The following NT5DC3 variants were observed in gnomAD, a reference collection of about 807,000 sequenced individuals.
The protein encoded by NT5DC3 is 5'-nucleotidase domain-containing protein 3.
In NT5DC3, 42 loss-of-function variants were observed where a neutral mutation model predicts 67.8. The ratio of observed to expected loss-of-function variants is 0.62; its 90% CI spans 0.48 to 0.80. The LOEUF (loss-of-function observed/expected upper bound fraction) is 0.80, where lower values mean the gene tolerates loss of function less well. Among genes scored for constraint, NT5DC3 ranks in the 30% least tolerant of loss-of-function variants. The probability of loss-of-function intolerance (pLI) is 0.00; values close to 1 mark genes in which losing one functional copy is unlikely to be tolerated. For synonymous variants in NT5DC3, 237 were observed against 255.6 expected (o/e 0.93, Z 0.69); for missense variants, 570 against 696.4 (o/e 0.82, Z 2.04).
At chr12:103,763,773 G>A in the NT5DC3 span, 1 of 625,894 alleles carries the variant, frequency 1.6e-6, no homozygotes, top group South Asian at 2.2e-5. Context: ...TGAAGCCAGT[G>A]TGGTTGCTCA....
chr12:103,788,804 A>G (rs748271369), intron 10 of NT5DC3, 34 bp downstream of exon 10: 1 of 1,420,308 alleles, frequency 7.0e-7, no homozygotes, highest in Non-Finnish European at 1.0e-6. Flanking sequence ...CCACAAAGCA[A>G]AGCAACAAAA....
At chr12:103,748,239 C>T in the NT5DC3 span, among the ~76,000 whole-genome samples, 1 of 152,320 alleles carries the variant, frequency 6.6e-6, no homozygotes, top group South Asian at 2.1e-4. Context: ...TTTTCCCACC[C>T]TCCCATCCTT....
At chr12:103,769,732 C>G (rs1052574711), downstream of NT5DC3, among the ~76,000 whole-genome samples, 1 of 152,242 alleles carries the variant, frequency 6.6e-6, no homozygotes, top group East Asian at 1.9e-4. Flanking sequence ...GACTGAGCCT[C>G]TACCCAACAT....
chr12:103,790,849 C>T (rs757889429), intron 9 of NT5DC3, among the ~76,000 whole-genome samples: 6 of 151,670 alleles, frequency 4.0e-5, no homozygotes, highest in Admixed American at 2.6e-4. Context: ...ACCACCATGC[C>T]GGGCTAATTT....
chr12:103,789,178 C>T lies in NT5DC3; in HGVS notation c.1020-259G>A, dbSNP rs113573616. The T allele has an allele frequency of 2.9e-5, 11 of 381,990 alleles. 1 individual carries two copies. The highest frequency in any genetic ancestry group is 1.8e-4 in the African/African-American group (9 of 49,508). The allele number at this position is 381,990 out of a possible 1,614,324, so 23.7% of individuals were successfully genotyped here. On this transcript the variant is annotated intron_variant, in intron 9 of 13. Coordinates refer to ENST00000392876, the MANE Select transcript of NT5DC3 (RefSeq NM_001031701.3). ...GTAGCTCACTCTTGTAAGCCCAGCA[C>T]TTTGGGAAGCCAAGGCAGGTGAATC... is the stretch of plus-strand genomic sequence containing the variant.
At chr12:103,762,348 T>G in the NT5DC3 span, 2 of 1,614,238 alleles carry the variant, frequency 1.2e-6, no homozygotes, top group Non-Finnish European at 1.7e-6. Flanking sequence ...TTGCCTTGGC[T>G]GCTTACTCCT....
chr12:103,752,637 T>A, the NT5DC3 span, among the ~76,000 whole-genome samples: 1 of 152,164 alleles, frequency 6.6e-6, no homozygotes, highest in Non-Finnish European at 1.5e-5. Context: ...GGGCAGAAAC[T>A]CACTTTAATG....
chr12:103,755,503 C>T, the NT5DC3 span: 5 of 1,610,712 alleles, frequency 3.1e-6, no homozygotes, highest in Non-Finnish European at 4.2e-6. Context: ...TTCTGGGCCA[C>T]ACAGCTGCTG....
Position 103,788,852 on chromosome 12 carries a change from G to C in NT5DC3, c.1087C>G (p.Gln363Glu). 1 of 1,610,914 alleles carries C rather than the reference G, an allele frequency of 6.2e-7. No individual in the cohort carries two copies. The highest frequency in any genetic ancestry group is 8.5e-7 in the Non-Finnish European group (1 of 1,177,188). The stretch of plus-strand genomic sequence containing the variant: ...TCATGAGATACCTGCTTGTATATCT[G>C]GCCTTTCTGCAACTTATGGATTTTA... ...WDKIHKLQKG[Q>E]IYKQGNLYEF... Residue 363 changes from glutamine (Q) to glutamate (E), a missense_variant, in exon 10 of 14, where the codon CAG (glutamine) becomes GAG (glutamate). This residue lies in a region of NT5DC3 where 466 missense variants were observed against 608.0 expected (regional missense o/e 0.77). Transcript: ENST00000392876.
At chr12:103,762,464 TGG>T in the NT5DC3 span, 1 of 1,609,882 alleles carries the variant, frequency 6.2e-7, no homozygotes, top group Non-Finnish European at 8.5e-7. Flanking sequence ...TCCCTGGACC[TGG>T]GCTGCTTCAG....
At chr12:103,749,145 A>G in the NT5DC3 span, 8 of 1,602,208 alleles carry the variant, frequency 5.0e-6, no homozygotes, top group Middle Eastern at 6.7e-4. Context: ...CACCTGTAAG[A>G]TGACAGGCCC....
chr12:103,820,853 T>A (rs908597484), intron 1 of NT5DC3: 2 of 152,138 alleles, frequency 1.3e-5, no homozygotes, highest in Admixed American at 1.3e-4. Context: ...CAAACCGAGG[T>A]CCCAAAGGCT....
the NT5DC3 span, among the ~76,000 whole-genome samples, chr12:103,748,422 T>G: frequency 1.3e-5 from 2 of 152,104 alleles, no homozygotes; most frequent in African/African-American, 2.4e-5. Context: ...AAAGCATGGA[T>G]TTTTGGAGGC....
intron 1 of NT5DC3, among the ~76,000 whole-genome samples, chr12:103,821,030 A>G (rs1887468422): frequency 6.6e-6 from 1 of 152,148 alleles, no homozygotes; most frequent in Non-Finnish European, 1.5e-5. Flanking sequence ...TCTGGTCACA[A>G]CAGATCACAG....
rs1885721116 is a variant in NT5DC3, at chr12:103,785,415, G to A, written c.1249C>T (p.Leu417Phe). Residue 417 changes from leucine to phenylalanine, a missense_variant, in exon 12 of 14, where the codon CTC becomes TTC. Physicochemically the swap from Leu to Phe is conservative, Grantham distance 22 (BLOSUM62 0). This residue lies in a region of NT5DC3 where 466 missense variants were observed against 608.0 expected (regional missense o/e 0.77). Transcript: ENST00000392876. ...TATTGCTCCGTGTTCATGATTTTGA[G>A]CTCAGATCTCAACTCTGGGATGATT... is the stretch of plus-strand genomic sequence containing the variant. ...GAIIPELRSE[L>F]KIMNTEQYIQ... 6.2e-7 allele frequency: 1 copy of A among 1,613,862 alleles called. No homozygotes were observed. The highest frequency in any genetic ancestry group is 2.2e-5 in the East Asian group (1 of 44,896).
At chr12:103,747,321 A>T in the NT5DC3 span, among the ~76,000 whole-genome samples, 1 of 152,314 alleles carries the variant, frequency 6.6e-6, no homozygotes. Flanking sequence ...CAGTGGCATA[A>T]ATAAGGCAGA....
In NT5DC3 at chr12:103,777,975, T is replaced by C. The variant is rs1490929369; in HGVS notation, c.1501A>G (p.Met501Val). ...TTCAGGAGGCAGCTCAGAGACGCCATGTAGATGTCAGCGAAGCGCGACAGG... is the reference window on the plus strand; with the variant it reads ...TTCAGGAGGCAGCTCAGAGACGCCACGTAGATGTCAGCGAAGCGCGACAGG... ...RRLSRFADIYMASLSCLLNYD... is the reference protein window; with the variant it reads ...RRLSRFADIYVASLSCLLNYD... The change falls in exon 14 of 14, where the codon ATG becomes GTG. Residue 501 changes from methionine (M) to valine (V), a missense_variant. This residue lies in a region of NT5DC3 where 466 missense variants were observed against 608.0 expected (regional missense o/e 0.77). Transcript: ENST00000392876. 2.5e-6 allele frequency: 4 copies of C among 1,614,014 alleles called. No individual in the cohort carries two copies. The highest frequency in any genetic ancestry group is 1.3e-5 in the African/African-American group (1 of 74,902).
chr12:103,755,755 GA>G, the NT5DC3 span: 1 of 1,606,224 alleles, frequency 6.2e-7, no homozygotes, highest in African/African-American at 1.3e-5. Flanking sequence ...CTCAGGCAGG[GA>G]GGGGTTGCCT....
the NT5DC3 span, among the ~76,000 whole-genome samples, chr12:103,747,115 C>T: frequency 2.0e-5 from 3 of 152,000 alleles, no homozygotes; most frequent in African/African-American, 7.2e-5. Flanking sequence ...CGCCACCGCA[C>T]CTGGCTAACT....
Sources: gnomAD v4.1 joint callset for allele counts (sites outside exome capture counted in the v4.1 genomes callset) on GRCh38, gnomAD v4.1.1 for gene constraint, gnomAD v4.1.1 regional missense constraint, MANE v1.5 for transcripts, NCBI Gene and HGNC (gene_info 2026-07-23, HGNC 2026-07-21) for gene names.